NCAM1: variants seen among roughly 807,000 people sequenced by gnomAD.
NCAM1 encodes the protein antigen recognized by monoclonal antibody 5.1H11.
Under a neutral mutation model 109.8 loss-of-function variants are expected in NCAM1, and 14 were observed. The ratio of observed to expected loss-of-function variants is 0.13; its 90% CI spans 0.08 to 0.20. The LOEUF is 0.20. NCAM1 is among the 10% of genes least tolerant of loss of function. The pLI, the probability that NCAM1 is intolerant of heterozygous loss-of-function variation, is 1.00. For synonymous variants in NCAM1, 418 were observed against 442.9 expected, an observed-to-expected ratio of 0.94 and a Z score of 0.70; for missense variants, 774 against 1,109.9, an observed-to-expected ratio of 0.70 and a Z score of 4.30.
At chr11:112,973,140 T>G (rs1218881912) in intron 1 of NCAM1, among the ~76,000 whole-genome samples, 5 of 152,172 alleles carry the variant, frequency 3.3e-5, no homozygotes, top group African/African-American at 1.2e-4. Context: ...TTAAAAAATG[T>G]TTCTATAGCA....
At chr11:113,261,742 G>C (rs1159354383) in intron 17 of NCAM1, among the ~76,000 whole-genome samples, 4 of 152,186 alleles carry the variant, frequency 2.6e-5, no homozygotes, top group Non-Finnish European at 5.9e-5. Flanking sequence ...TAGGAGGTGA[G>C]ATCAGGTGAG....
chr11:113,018,119 G>A (rs1940731), intron 1 of NCAM1, among the ~76,000 whole-genome samples: 1 of 151,982 alleles, frequency 6.6e-6, no homozygotes, highest in Non-Finnish European at 1.5e-5. Context: ...CTATGACTTA[G>A]CCAGGCTTGT....
rs1945061228 is a variant in NCAM1 at position 113,233,166 on chromosome 11, C to T, written c.1542C>T (p.Ser514=). The change falls in exon 13 of 20, where the codon TCC becomes TCT. Residue 514 remains serine, a synonymous_variant. Transcript: ENST00000316851. The surrounding 1 kb of genome is among the most constrained non-coding windows in gnomAD (Gnocchi z 4.5). ...CCACAGACACCCCCTCTTCACCATC[C>T]ATCGACCAGGTGGAGCCATACTCCA... ...LVQADTPSSP[S]IDQVEPYSST... is the part of the protein sequence containing the mutation. 3 of 1,613,318 alleles carry T rather than the reference C, an allele frequency of 1.9e-6. No homozygotes were observed. In the African/African-American group the frequency reaches 4.0e-5, roughly 22 times the overall value.
intron 16 of NCAM1, among the ~76,000 whole-genome samples, chr11:113,257,195 T>C (rs1465873633): frequency 2.6e-5 from 4 of 152,196 alleles, no homozygotes; most frequent in Non-Finnish European, 1.5e-5. Context: ...GTGCAAGGAT[T>C]GGGCAGGTGG....
At chr11:113,062,939 G>T (rs1274801569) in intron 1 of NCAM1, among the ~76,000 whole-genome samples, 1 of 152,132 alleles carries the variant, frequency 6.6e-6, no homozygotes, top group Non-Finnish European at 1.5e-5. Context: ...CTGCACTCCA[G>T]CCTGGGCAAC....
At chr11:113,105,108 A>G (rs1555092267) in intron 1 of NCAM1, among the ~76,000 whole-genome samples, 1 of 152,212 alleles carries the variant, frequency 6.6e-6, no homozygotes, top group Non-Finnish European at 1.5e-5. Context: ...TTTGCACTTC[A>G]TGTTGGAGGA....
intron 1 of NCAM1, among the ~76,000 whole-genome samples, chr11:113,025,229 C>T (rs1342369447): frequency 6.6e-6 from 1 of 152,048 alleles, no homozygotes; most frequent in Non-Finnish European, 1.5e-5. Context: ...TAGAATTATA[C>T]TGGACATTTT....
intron 1 of NCAM1, among the ~76,000 whole-genome samples, chr11:113,153,304 G>T (rs1267582734): frequency 6.6e-6 from 1 of 152,166 alleles, no homozygotes; most frequent in Non-Finnish European, 1.5e-5. Context: ...GCCTCCCAAA[G>T]TGTTGGGATT....
chr11:113,099,144 T>C (rs1939745425), intron 1 of NCAM1, among the ~76,000 whole-genome samples: 1 of 152,206 alleles, frequency 6.6e-6, no homozygotes, highest in African/African-American at 2.4e-5. Flanking sequence ...ATGTTCATTT[T>C]CCCAAGATCA....
At chr11:112,968,543 T>G (rs1950786405) in intron 1 of NCAM1, among the ~76,000 whole-genome samples, 1 of 152,222 alleles carries the variant, frequency 6.6e-6, no homozygotes, top group Non-Finnish European at 1.5e-5. Flanking sequence ...ATTTAGTAAA[T>G]ATTGACTGAG....
chr11:113,154,779 G>A (rs1192437988), intron 1 of NCAM1, among the ~76,000 whole-genome samples: 1 of 152,214 alleles, frequency 6.6e-6, no homozygotes, highest in Non-Finnish European at 1.5e-5. Flanking sequence ...GTAAGGTCAT[G>A]AGGATAAGAG....
chr11:113,207,016 A>G (rs1274106724), intron 5 of NCAM1, among the ~76,000 whole-genome samples: 1 of 152,258 alleles, frequency 6.6e-6, no homozygotes, highest in Non-Finnish European at 1.5e-5. Context: ...AACATGCATA[A>G]AATGTATTAC....
chr11:113,275,612 C>T lies in NCAM1; in HGVS notation c.*225C>T. On this transcript the variant is annotated 3_prime_UTR_variant, in exon 20 of 20. Transcript: ENST00000316851. ...ATAGAAAGGGTCCCTTTGTTGCACA[C>T]TCACTTGTAAGAAAATGAGACAAAA... is the stretch of plus-strand genomic sequence containing the variant. 4.3e-6 allele frequency: 2 copies of T among 469,930 alleles called. No homozygotes were observed. The highest frequency in any genetic ancestry group is 7.1e-6 in the Non-Finnish European group (2 of 281,464). The allele number at this position is 469,930 out of a possible 1,614,324, so 29.1% of individuals were successfully genotyped here.
chr11:113,052,996 C>A (rs879964983), intron 1 of NCAM1, among the ~76,000 whole-genome samples: 1 of 152,252 alleles, frequency 6.6e-6, no homozygotes, highest in East Asian at 1.9e-4. Flanking sequence ...GGCTCCCCTG[C>A]CACAAAGAGT....
intron 8 of NCAM1, among the ~76,000 whole-genome samples, chr11:113,217,609 T>C (rs1324896893): frequency 3.9e-5 from 6 of 152,162 alleles, no homozygotes; most frequent in African/African-American, 1.4e-4. Context: ...CTCTTAGCAG[T>C]CTCCTTATTC....
chr11:113,055,988 T>G (rs1555082481), intron 1 of NCAM1, among the ~76,000 whole-genome samples: 1 of 54,564 alleles, frequency 1.8e-5, no homozygotes, highest in African/African-American at 7.1e-5. Context: ...GATATATATA[T>G]ATATATATAT....
intron 3 of NCAM1, among the ~76,000 whole-genome samples, chr11:113,205,216 C>T (rs12802504): frequency 0.047 from 7,198 of 152,274 alleles, 247 homozygotes; most frequent in Non-Finnish European, 0.073. Flanking sequence ...ATAACCTGTG[C>T]TTCACTGGCA....
chr11:113,023,130 C>T (rs1363643817), intron 1 of NCAM1, among the ~76,000 whole-genome samples: 1 of 152,178 alleles, frequency 6.6e-6, no homozygotes, highest in Non-Finnish European at 1.5e-5. Flanking sequence ...CTGCTAGATA[C>T]TATACTGTTT....
intron 1 of NCAM1, among the ~76,000 whole-genome samples, chr11:113,120,366 C>G (rs1416622588): frequency 6.6e-6 from 1 of 152,152 alleles, no homozygotes; most frequent in Non-Finnish European, 1.5e-5. Flanking sequence ...AGCACTCAGC[C>G]ATTTAAAAGT....
Sources: allele counts gnomAD v4.1 joint callset (sites outside exome capture counted in the v4.1 genomes callset), GRCh38; gene constraint gnomAD v4.1.1; non-coding constraint Gnocchi (gnomAD v3.1); transcripts MANE v1.5; gene names NCBI Gene and HGNC (gene_info 2026-07-23, HGNC 2026-07-21).